The following TRAM2 variants were observed in gnomAD, a reference collection of about 807,000 sequenced individuals.
TRAM2 encodes the protein translocating chain-associated membrane protein 2.
In TRAM2, 12 loss-of-function variants were observed where a neutral mutation model predicts 51.0. The ratio of observed to expected loss-of-function variants is 0.24; its 90% CI spans 0.15 to 0.38. The LOEUF (loss-of-function observed/expected upper bound fraction) is 0.38, where lower values mean the gene tolerates loss of function less well. Among genes scored for constraint, TRAM2 ranks in the 10% least tolerant of loss-of-function variants. The pLI is 1.00. For synonymous variants in TRAM2, 175 were observed against 179.4 expected, an observed-to-expected ratio of 0.98 and a Z score of 0.20; for missense variants, 361 against 462.0, an observed-to-expected ratio of 0.78 and a Z score of 2.00.
chr6:52,511,577 G>C (rs1008828520), intron 4 of TRAM2, among the ~76,000 whole-genome samples: 5 of 152,210 alleles, frequency 3.3e-5, no homozygotes, highest in Non-Finnish European at 7.3e-5. Flanking sequence ...ACAGTGCTCA[G>C]AATGAGGCCA....
chr6:52,531,254 T>G, intron 2 of TRAM2, among the ~76,000 whole-genome samples: 1 of 152,164 alleles, frequency 6.6e-6, no homozygotes, highest in Admixed American at 6.5e-5. Context: ...GAAGTTTGCT[T>G]TCCTCCAGTT....
intron 1 of TRAM2, among the ~76,000 whole-genome samples, chr6:52,556,285 CTT>C (rs10531756): frequency 0.68 from 98,763 of 146,052 alleles, 33,435 homozygotes; most frequent in East Asian, 0.88. Flanking sequence ...TTTTGTTTGG[CTT>C]TTTTTTTTTT....
At chr6:52,551,777 G>A (rs890690003) in intron 1 of TRAM2, among the ~76,000 whole-genome samples, 2 of 152,244 alleles carry the variant, frequency 1.3e-5, no homozygotes, top group Non-Finnish European at 2.9e-5. Context: ...TCAGTACGGC[G>A]CTAGCCAAAG....
At chr6:52,555,998 G>A (rs1767398698) in intron 1 of TRAM2, among the ~76,000 whole-genome samples, 1 of 152,114 alleles carries the variant, frequency 6.6e-6, no homozygotes, top group African/African-American at 2.4e-5. Flanking sequence ...TGATGGTTAG[G>A]TCACGCCTCA....
In TRAM2 at chr6:52,501,884, A is replaced by G. The variant is rs528766566; in HGVS notation, c.*1313T>C. 3 of 152,266 alleles carry G rather than the reference A, an allele frequency of 2.0e-5. No individual in the cohort carries two copies. The highest frequency in any genetic ancestry group is 4.2e-4 in the South Asian group (2 of 4,810). 9.4% of individuals were successfully genotyped at this position (152,266 alleles called of 1,614,324 possible). On this transcript the variant is annotated 3_prime_UTR_variant, in exon 11 of 11. Coordinates refer to ENST00000182527, the MANE Select transcript of TRAM2 (RefSeq NM_012288.4). ...TTTTTAAAGCTGAACGCCCCTTCTA[A>G]AAGTCCTCACAAGGCACCAAAAGGA...
At chr6:52,513,900 A>G (rs1358188359) in intron 4 of TRAM2, among the ~76,000 whole-genome samples, 1 of 152,202 alleles carries the variant, frequency 6.6e-6, no homozygotes, top group Non-Finnish European at 1.5e-5. Flanking sequence ...AAAGATATTT[A>G]GTGTCTAGGC....
intron 4 of TRAM2, among the ~76,000 whole-genome samples, chr6:52,514,259 T>A (rs1322194748): frequency 6.6e-6 from 1 of 152,130 alleles, no homozygotes; most frequent in Non-Finnish European, 1.5e-5. Context: ...AAAATATTAT[T>A]TTTTTAAAAA....
intron 2 of TRAM2, among the ~76,000 whole-genome samples, chr6:52,527,958 A>G (rs1766814188): frequency 1.3e-5 from 2 of 152,218 alleles, no homozygotes; most frequent in South Asian, 2.1e-4. Context: ...TGGCCAACCA[A>G]TAAGGCCAGG....
At chr6:52,518,955 A>T (rs892893140) in intron 2 of TRAM2, among the ~76,000 whole-genome samples, 6 of 152,266 alleles carry the variant, frequency 3.9e-5, no homozygotes, top group Admixed American at 3.9e-4. Context: ...ACCTTAGATT[A>T]TCCATTTTAA....
At chr6:52,525,352 T>C (rs1489111000) in intron 2 of TRAM2, among the ~76,000 whole-genome samples, 1 of 152,216 alleles carries the variant, frequency 6.6e-6, no homozygotes, top group East Asian at 1.9e-4. Flanking sequence ...AAGGGCAGCA[T>C]TGTCCCCACT....
Position 52,516,046 on chromosome 6 carries a change from T to G in TRAM2, c.371A>C (p.His124Pro), listed in dbSNP as rs769855429. Reference protein sequence around the residue: ...FNESGQLVVFHFTSVIWCFYV... With the variant: ...FNESGQLVVFPFTSVIWCFYV... ...GAAGCACCAAATCACCGAGGTGAAA[T>G]GAAAGACGACCAGCTGTCCAGATTC... Residue 124 changes from histidine to proline, a missense_variant, in exon 4 of 11, where the codon CAT becomes CCT. By Grantham distance (77) the His-to-Pro change is moderately conservative. Transcript: ENST00000182527. 1 of 1,614,174 alleles carries G rather than the reference T, an allele frequency of 6.2e-7. No homozygotes were observed. The highest frequency in any genetic ancestry group is 2.2e-5 in the East Asian group (1 of 44,888).
rs1046360990 is a variant in TRAM2 at position 52,520,640 on chromosome 6, G to C, written c.185-3903C>G. On this transcript the variant is annotated intron_variant, in intron 2 of 10. Transcript: ENST00000182527. ...CCTAACTATCTCATGAGATAAGCAA[G>C]GAAAGTGAATGAGGAAAGAGTTCAC... Among the ~76,000 whole-genome samples the C allele has an allele frequency of 4.6e-5, 7 of 152,194 alleles. No homozygotes were observed. In the East Asian group the frequency reaches 1.3e-3, roughly 29 times the overall value.
chr6:52,555,883 G>A (rs2284807), intron 1 of TRAM2, among the ~76,000 whole-genome samples: 14,933 of 152,212 alleles, frequency 0.098, 1,335 homozygotes, highest in East Asian at 0.49. Flanking sequence ...AAGTGGAAGA[G>A]CTATAGGAGA....
intron 1 of TRAM2, 50 bp from the exon 2 acceptor site, chr6:52,535,896 A>C: frequency 6.5e-7 from 1 of 1,541,708 alleles, no homozygotes; most frequent in South Asian, 1.1e-5. Context: ...CCACATCAAA[A>C]GAAACAAGTG....
rs142857161 is a variant in TRAM2, at chr6:52,522,502, A to G, written c.185-5765T>C. On this transcript the variant is annotated intron_variant, in intron 2 of 10. Transcript: ENST00000182527. ...CCAAAGAAAACACATCTGTAGGCCAACTCTGACTACAGGCCACAGATTTGT... is the reference window on the plus strand; with the variant it reads ...CCAAAGAAAACACATCTGTAGGCCAGCTCTGACTACAGGCCACAGATTTGT... 2.6e-5 allele frequency among the ~76,000 whole-genome samples: 4 copies of G among 152,384 alleles called. No individual in the cohort carries two copies. In the East Asian group the frequency reaches 7.7e-4, roughly 29 times the overall value.
intron 4 of TRAM2, among the ~76,000 whole-genome samples, chr6:52,511,230 G>A (rs1766446677): frequency 6.6e-6 from 1 of 152,166 alleles, no homozygotes; most frequent in African/African-American, 2.4e-5. Context: ...CAGTCCTCCT[G>A]AGTAGCTGGG....
chr6:52,557,231 A>G (rs1370178366), intron 1 of TRAM2, among the ~76,000 whole-genome samples: 1 of 152,188 alleles, frequency 6.6e-6, no homozygotes, highest in Non-Finnish European at 1.5e-5. Context: ...CGGATGCACC[A>G]GGATGTACAG....
At position 52,497,792 on chromosome 6, in the gene TRAM2, T is replaced by C. The variant is rs1176184913; in HGVS notation, c.*5405A>G. ...AAATGAGGTTTACAGTCTCATCACA[T>C]GAACACTCAAATCTGTACCCAAGGA... On this transcript the variant is annotated 3_prime_UTR_variant, in exon 11 of 11. Coordinates refer to ENST00000182527, the MANE Select transcript of TRAM2 (RefSeq NM_012288.4). 6.6e-6 allele frequency: 1 copy of C among 152,600 alleles called. No homozygotes were observed. Among genetic ancestry groups the C allele is most frequent in the Non-Finnish European group, 1.5e-5 (1 of 68,040 alleles). The allele number at this position is 152,600 out of a possible 1,614,324, so 9.5% of individuals were successfully genotyped here. A position where few individuals can be genotyped will look rare whatever the true frequency, so the allele number is the denominator to read the frequency against.
intron 1 of TRAM2, among the ~76,000 whole-genome samples, chr6:52,542,730 G>GA (rs1459657711): frequency 2.0e-5 from 3 of 152,038 alleles, no homozygotes; most frequent in African/African-American, 7.2e-5. Context: ...GTGTATTTAT[G>GA]AAAAAAACTC....
Sources: gnomAD v4.1 joint callset for allele counts (sites outside exome capture counted in the v4.1 genomes callset) on GRCh38, gnomAD v4.1.1 for gene constraint, MANE v1.5 for transcripts, NCBI Gene and HGNC (gene_info 2026-07-23, HGNC 2026-07-21) for gene names.